Variants in HTR3B observed in about 807,000 individuals in gnomAD.
HTR3B encodes 5-hydroxytryptamine (serotonin) receptor 3B, ionotropic.
A neutral mutation model predicts 42.8 loss-of-function variants in HTR3B; 44 were observed. The observed-to-expected ratio is 1.03, with a 90% confidence interval of 0.81 to 1.32. The LOEUF is 1.32. Among genes scored for constraint, HTR3B ranks in the 40% most tolerant of loss-of-function variants. The probability of loss-of-function intolerance (pLI) is 0.00; values close to 1 mark genes in which losing one functional copy is unlikely to be tolerated. For missense variants in HTR3B, 527 were observed against 536.5 expected, an observed-to-expected ratio of 0.98 and a Z score of 0.17; for synonymous variants, 203 against 209.0, an observed-to-expected ratio of 0.97 and a Z score of 0.25.
chr11:113,934,915 G>A (rs1293920798), intron 6 of HTR3B, among the ~76,000 whole-genome samples: 2 of 152,086 alleles, frequency 1.3e-5, no homozygotes, highest in African/African-American at 2.4e-5. Flanking sequence ...GTGGAACATA[G>A]TCACCTACCA....
chr11:113,923,474 C>T (rs554545329), intron 2 of HTR3B, among the ~76,000 whole-genome samples: 1 of 152,262 alleles, frequency 6.6e-6, no homozygotes, highest in East Asian at 1.9e-4. Context: ...TTCCGAATCC[C>T]AGATACCTTT....
chr11:113,925,426 T>G (rs1018750294), intron 2 of HTR3B, among the ~76,000 whole-genome samples: 1 of 136,280 alleles, frequency 7.3e-6, no homozygotes. Flanking sequence ...TGTTTTTTTT[T>G]TTTTTTTTTT....
intron 1 of HTR3B, among the ~76,000 whole-genome samples, chr11:113,906,849 AAGG>A (rs1454899637): frequency 6.6e-6 from 1 of 152,182 alleles, no homozygotes; most frequent in Non-Finnish European, 1.5e-5. Context: ...GGGAACTTTG[AAGG>A]AGATCATTCA....
At chr11:113,921,768 A>G (rs967399637) in intron 2 of HTR3B, among the ~76,000 whole-genome samples, 3 of 152,202 alleles carry the variant, frequency 2.0e-5, no homozygotes, top group Admixed American at 6.5e-5. Flanking sequence ...TACCCTGACA[A>G]AAGAAAGTAA....
At chr11:113,919,591 G>T (rs1591574949) in intron 2 of HTR3B, among the ~76,000 whole-genome samples, 1 of 152,126 alleles carries the variant, frequency 6.6e-6, no homozygotes, top group African/African-American at 2.4e-5. Context: ...CACTTTGGGA[G>T]GCCGAGGCAG....
chr11:113,903,212 C>G (rs1022658938), upstream of HTR3B, among the ~76,000 whole-genome samples: 1 of 152,006 alleles, frequency 6.6e-6, no homozygotes, highest in South Asian at 2.1e-4. Context: ...TTGTTTGTCC[C>G]ACAGTATGCC....
intron 2 of HTR3B, among the ~76,000 whole-genome samples, chr11:113,930,133 T>C (rs1400206571): frequency 6.6e-6 from 1 of 152,212 alleles, no homozygotes; most frequent in Non-Finnish European, 1.5e-5. Context: ...ATATGTGATT[T>C]GCAAATATTT....
At chr11:113,941,261 C>A (rs1289225388) in intron 6 of HTR3B, among the ~76,000 whole-genome samples, 2 of 152,208 alleles carry the variant, frequency 1.3e-5, no homozygotes, top group African/African-American at 2.4e-5. Flanking sequence ...TGAATACCCA[C>A]TGTAAGATAG....
At chr11:113,937,354 C>A (rs1196603175) in intron 6 of HTR3B, among the ~76,000 whole-genome samples, 5 of 152,202 alleles carry the variant, frequency 3.3e-5, no homozygotes, top group Non-Finnish European at 1.5e-5. Flanking sequence ...GACTCCAGTA[C>A]AATTCAATAA....
chr11:113,905,185 A>C (rs1035880781), intron 1 of HTR3B, among the ~76,000 whole-genome samples, 200 bp downstream of exon 1: 6 of 151,958 alleles, frequency 3.9e-5, no homozygotes, highest in African/African-American at 1.4e-4. Context: ...ATACGTATAC[A>C]TATAGCATCA....
upstream of HTR3B, among the ~76,000 whole-genome samples, chr11:113,904,096 G>A (rs766259380): frequency 1.3e-5 from 2 of 152,140 alleles, no homozygotes; most frequent in Non-Finnish European, 2.9e-5. Flanking sequence ...TAGAGCATCT[G>A]GGGGTGTCTA....
intron 2 of HTR3B, among the ~76,000 whole-genome samples, chr11:113,910,900 G>C (rs544208492): frequency 2.1e-4 from 31 of 146,078 alleles, no homozygotes; most frequent in African/African-American, 7.4e-4. Context: ...CACAATCTCT[G>C]CTCACTGCAA....
rs867518512 is a variant in HTR3B, at chr11:113,945,824, G to A, written c.1091-78G>A. 6 of 992,206 alleles carry A rather than the reference G, an allele frequency of 6.0e-6. No homozygotes were observed. In the African/African-American group the frequency reaches 8.0e-5, roughly 13 times the overall value. The allele number at this position is 992,206 out of a possible 1,614,324, so 61.5% of individuals were successfully genotyped here. ...CCTGCAACTTTCCTTGAAGGATGAG[G>A]CCATCAGCTTCAAGAGAAAGTCCAG... is the stretch of plus-strand genomic sequence containing the variant. On this transcript the variant is annotated intron_variant, in intron 8 of 8. Transcript: ENST00000260191.
At chr11:113,911,285 C>T (rs1021846458) in intron 2 of HTR3B, among the ~76,000 whole-genome samples, 5 of 152,102 alleles carry the variant, frequency 3.3e-5, no homozygotes, top group Admixed American at 1.3e-4. Context: ...GGCTGGATTG[C>T]AGTGGCACGA....
At chr11:113,927,216 A>T (rs1949984362) in intron 2 of HTR3B, among the ~76,000 whole-genome samples, 1 of 152,170 alleles carries the variant, frequency 6.6e-6, no homozygotes. Context: ...ACCGTGATTC[A>T]GTCTCCAGAA....
At chr11:113,917,880 C>T (rs1052149478) in intron 2 of HTR3B, among the ~76,000 whole-genome samples, 8 of 152,168 alleles carry the variant, frequency 5.3e-5, no homozygotes, top group South Asian at 2.1e-4. Flanking sequence ...GCTGGTATTA[C>T]AGGTGAGCCA....
intron 2 of HTR3B, among the ~76,000 whole-genome samples, chr11:113,918,751 G>A (rs1949882068): frequency 6.6e-6 from 1 of 151,706 alleles, no homozygotes; most frequent in Admixed American, 6.6e-5. Context: ...CCACGTTCTG[G>A]GTTTAAGCAA....
rs765967511 is a variant in HTR3B, at chr11:113,931,762, G to T, written c.263G>T (p.Trp88Leu). The T allele has an allele frequency of 1.3e-6, 2 of 1,598,390 alleles. No individual in the cohort carries two copies. The highest frequency in any genetic ancestry group is 2.2e-5 in the East Asian group (1 of 44,826). ...LKTSVWYQEV[W>L]NDEFLSWNSS... ...CTTTTTGGCTACTACTAACAGGTCT[G>T]GAATGATGAATTTTTATCCTGGAAC... is the stretch of plus-strand genomic sequence containing the variant. The change falls in exon 4 of 9, where the codon TGG becomes TTG. Residue 88 changes from tryptophan to leucine, a missense_variant. Coordinates refer to ENST00000260191, the MANE Select transcript of HTR3B (RefSeq NM_006028.5).
At position 113,932,274 on chromosome 11, in the gene HTR3B, T is replaced by C; in HGVS notation, c.369-15T>C. 6.2e-7 allele frequency: 1 copy of C among 1,600,040 alleles called. No homozygotes were observed. The highest frequency in any genetic ancestry group is 1.1e-5 in the South Asian group (1 of 89,702). On this transcript the variant is annotated splice_polypyrimidine_tract_variant and intron_variant, in intron 4 of 8. Transcript: ENST00000260191. ...ATCCTCTCTGTGACAACAAGTTCTCTTGTGTTTCATATAGTGTGGACATTG... is the reference window on the plus strand; with the variant it reads ...ATCCTCTCTGTGACAACAAGTTCTCCTGTGTTTCATATAGTGTGGACATTG...
Sources: gnomAD v4.1 joint callset for allele counts (sites outside exome capture counted in the v4.1 genomes callset) on GRCh38, gnomAD v4.1.1 for gene constraint, MANE v1.5 for transcripts, NCBI Gene and HGNC (gene_info 2026-07-23, HGNC 2026-07-21) for gene names.